The following USP6NL variants were observed in gnomAD, a reference collection of about 807,000 sequenced individuals.
The protein encoded by USP6NL is USP6 N-terminal like, also known as USP6 N-terminal-like protein.
A neutral mutation model predicts 61.9 loss-of-function variants in USP6NL; 26 were observed. The observed-to-expected ratio is 0.42, with a 90% CI of 0.31 to 0.58. The LOEUF is 0.58. Among genes scored for constraint, USP6NL ranks in the 20% least tolerant of loss-of-function variants. The pLI is 0.16. For missense variants in USP6NL, 1,114 were observed against 1,034.3 expected (o/e 1.08, Z -1.06); for synonymous variants, 432 against 390.1 (o/e 1.11, Z -1.27).
chr10:11,584,135 T>C (rs1837887613), intron 2 of USP6NL, among the ~76,000 whole-genome samples: 2 of 151,888 alleles, frequency 1.3e-5, no homozygotes, highest in Non-Finnish European at 2.9e-5. Context: ...GAATCATCAC[T>C]TGAGCCCAGG....
intron 2 of USP6NL, among the ~76,000 whole-genome samples, chr10:11,569,954 T>C (rs904321187): frequency 2.0e-5 from 3 of 152,202 alleles, no homozygotes; most frequent in Non-Finnish European, 4.4e-5. Flanking sequence ...TTTCTTGCCA[T>C]ACTTAACAAT....
intron 2 of USP6NL, among the ~76,000 whole-genome samples, chr10:11,577,434 A>G (rs1837592254): frequency 6.6e-6 from 1 of 151,996 alleles, no homozygotes; most frequent in Admixed American, 6.6e-5. Context: ...GGAGTCTCTT[A>G]ATTGCCTTTT....
chr10:11,564,460 T>C (rs1299114654), intron 2 of USP6NL: 2 of 152,166 alleles, frequency 1.3e-5, no homozygotes, highest in Non-Finnish European at 2.9e-5. Context: ...TTATCTCACT[T>C]AGATGATAAG....
intron 6 of USP6NL, among the ~76,000 whole-genome samples, chr10:11,508,774 T>C (rs1243027748): frequency 6.6e-6 from 1 of 152,188 alleles, no homozygotes; most frequent in African/African-American, 2.4e-5. Context: ...AGGATGAAAT[T>C]CTTTGAATCA....
At position 11,525,253 on chromosome 10, in the gene USP6NL, T is replaced by C; in HGVS notation, c.155+133A>G. 4 of 611,856 alleles carry C rather than the reference T, an allele frequency of 6.5e-6. No homozygotes were observed. The highest frequency in any genetic ancestry group is 1.1e-5 in the Non-Finnish European group (4 of 379,484). The allele number at this position is 611,856 out of a possible 1,614,324, so 37.9% of individuals were successfully genotyped here. A position where few individuals can be genotyped will look rare whatever the true frequency, so the allele number is the denominator to read the frequency against. ...AGTTGTTAAAAGAAACCTAGGAATT[T>C]AGTATCAAAACGCATATTGTAAGAC... On this transcript the variant is annotated intron_variant, in intron 4 of 14. Transcript: ENST00000609104. The surrounding 1 kb of genome is among the most constrained non-coding windows in gnomAD (Gnocchi z 5.0).
chr10:11,523,410 T>C (rs1358910109), intron 4 of USP6NL, among the ~76,000 whole-genome samples: 1 of 152,236 alleles, frequency 6.6e-6, no homozygotes, highest in Non-Finnish European at 1.5e-5. Flanking sequence ...CCTATATTCA[T>C]TATTTTACAA....
At chr10:11,605,037 T>C (rs1055563010) in intron 1 of USP6NL, among the ~76,000 whole-genome samples, 2 of 152,172 alleles carry the variant, frequency 1.3e-5, no homozygotes, top group Admixed American at 1.3e-4. Flanking sequence ...TTAAGATTAG[T>C]GTACATTATA....
chr10:11,467,033 A>T (rs987142214), intron 14 of USP6NL, among the ~76,000 whole-genome samples: 3 of 152,056 alleles, frequency 2.0e-5, no homozygotes, highest in African/African-American at 4.8e-5. Context: ...TCTTACTTAG[A>T]CTCATCATTT....
chr10:11,599,496 G>T (rs1472393444), intron 1 of USP6NL, among the ~76,000 whole-genome samples: 1 of 152,120 alleles, frequency 6.6e-6, no homozygotes, highest in East Asian at 1.9e-4. Context: ...ACCAAAAATA[G>T]TAACCTCAAA....
chr10:11,552,525 G>C (rs1326915118), intron 2 of USP6NL, among the ~76,000 whole-genome samples: 1 of 152,198 alleles, frequency 6.6e-6, no homozygotes, highest in Non-Finnish European at 1.5e-5. Context: ...TACGGATAGG[G>C]GTGGCTGTGG....
At chr10:11,551,796 C>T (rs576091073) in intron 2 of USP6NL, among the ~76,000 whole-genome samples, 8 of 152,266 alleles carry the variant, frequency 5.3e-5, no homozygotes, top group African/African-American at 1.9e-4. Context: ...CAGATTCCAT[C>T]ATAAGTTTTA....
At chr10:11,531,883 T>C (rs1835675134) in intron 2 of USP6NL, among the ~76,000 whole-genome samples, 3 of 152,176 alleles carry the variant, frequency 2.0e-5, no homozygotes, top group African/African-American at 2.4e-5. Context: ...AACTCCACAT[T>C]TTTAAGAAGC....
chr10:11,523,744 A>G (rs1012290419), intron 4 of USP6NL, among the ~76,000 whole-genome samples: 1 of 152,228 alleles, frequency 6.6e-6, no homozygotes, highest in Non-Finnish European at 1.5e-5. Flanking sequence ...TTCCCTATGT[A>G]TTTTATACCA....
In USP6NL at chr10:11,561,454, T is replaced by C. The variant is rs74116275; in HGVS notation, c.5-33887A>G. Among the ~76,000 whole-genome samples the C allele has an allele frequency of 1.2e-4, 18 of 152,362 alleles. No individual in the cohort carries two copies. Among genetic ancestry groups the C allele is most frequent in the African/African-American group, 4.3e-4 (18 of 41,594 alleles). On this transcript the variant is annotated intron_variant, in intron 2 of 14. Transcript: ENST00000609104. This position sits in a 1 kb window ranked among gnomAD's most constrained non-coding sequence, Gnocchi z 4.1. ...GAACATATACGAACACACGCATATGTATAAGGCACACAACAGAACCATACT... is the reference window on the plus strand; with the variant it reads ...GAACATATACGAACACACGCATATGCATAAGGCACACAACAGAACCATACT...
intron 2 of USP6NL, among the ~76,000 whole-genome samples, chr10:11,590,233 CA>C (rs1016829897): frequency 3.3e-5 from 5 of 151,520 alleles, no homozygotes; most frequent in East Asian, 1.9e-4. Context: ...TGCCTATCTC[CA>C]AAAAAAAGTC....
At position 11,525,609 on chromosome 10, in the gene USP6NL, A is replaced by C. The variant is rs1835382865; in HGVS notation, c.73-141T>G. On this transcript the variant is annotated intron_variant, in intron 3 of 14. Transcript: ENST00000609104. This position sits in a 1 kb window ranked among gnomAD's most constrained non-coding sequence, Gnocchi z 5.0. ...TGGAAGTGAGGCATTATGAGCCTTA[A>C]CATTTTTTTTTCCCCTTTAAACCCA... The C allele has an allele frequency of 1.4e-6, 1 of 730,842 alleles. No homozygotes were observed. Among genetic ancestry groups the C allele is most frequent in the African/African-American group, 1.9e-5 (1 of 53,402 alleles). The allele number at this position is 730,842 out of a possible 1,614,324, so 45.3% of individuals were successfully genotyped here. A position where few individuals can be genotyped will look rare whatever the true frequency, so the allele number is the denominator to read the frequency against.
At chr10:11,515,985 G>A (rs1337870569) in intron 5 of USP6NL, among the ~76,000 whole-genome samples, 1 of 152,044 alleles carries the variant, frequency 6.6e-6, no homozygotes, top group Admixed American at 6.6e-5. Context: ...ACTACATGAA[G>A]GGATAGCTGA....
Position 11,485,666 on chromosome 10 carries a change from G to T in USP6NL, c.759+151C>A, listed in dbSNP as rs899427053. ...AATATTAAATTTTACAAATCTAATG[G>T]TTTGTAAACAACTGGGAATTATAAC... On this transcript the variant is annotated intron_variant, in intron 11 of 14. Transcript: ENST00000609104. This position sits in a 1 kb window ranked among gnomAD's most constrained non-coding sequence, Gnocchi z 4.8. 5.2e-6 allele frequency: 3 copies of T among 581,310 alleles called. No homozygotes were observed. The highest frequency in any genetic ancestry group is 8.8e-6 in the Non-Finnish European group (3 of 342,156). 36.0% of individuals were successfully genotyped at this position (581,310 alleles called of 1,614,324 possible). A position where few individuals can be genotyped will look rare whatever the true frequency, so the allele number is the denominator to read the frequency against.
At chr10:11,500,649 T>C (rs2133305172) in intron 7 of USP6NL, among the ~76,000 whole-genome samples, 1 of 152,284 alleles carries the variant, frequency 6.6e-6, no homozygotes, top group East Asian at 1.9e-4. Context: ...AAAGTCATCT[T>C]TTTTTTCATG....
Sources: gnomAD v4.1 joint callset for allele counts (sites outside exome capture counted in the v4.1 genomes callset) on GRCh38, gnomAD v4.1.1 for gene constraint, Gnocchi (gnomAD v3.1) non-coding constraint, MANE v1.5 for transcripts, NCBI Gene and HGNC (gene_info 2026-07-23, HGNC 2026-07-21) for gene names.